OR6C65: variants seen among roughly 807,000 people sequenced by gnomAD.
OR6C65 encodes the protein olfactory receptor 6C65.
For missense variants in OR6C65, 379 were observed against 366.2 expected, an observed-to-expected ratio of 1.03 and a Z score of -0.29; for synonymous variants, 126 against 127.5, an observed-to-expected ratio of 0.99 and a Z score of 0.08.
In OR6C65 at chr12:55,401,453, T is replaced by C; in HGVS notation, c.925T>C (p.Leu309=). Residue 309 remains leucine (L), a synonymous_variant, in exon 1 of 1, where the codon TTG becomes CTG. Transcript: ENST00000379665. The part of the protein sequence containing the change: ...LREFTKKILS[L]NKQ The stretch of plus-strand genomic sequence containing the variant: ...GGAATTCACCAAAAAAATATTATCA[T>C]TGAACAAGCAATAATGATAACTAAA... 6.4e-7 allele frequency: 1 copy of C among 1,572,656 alleles called. No homozygotes were observed. The highest frequency in any genetic ancestry group is 1.2e-5 in the South Asian group (1 of 86,200).
At position 55,400,712 on chromosome 12, in the gene OR6C65, A is replaced by G. The variant is rs770532662; in HGVS notation, c.184A>G (p.Arg62Gly). 1 of 1,608,760 alleles carries G rather than the reference A, an allele frequency of 6.2e-7. No individual in the cohort carries two copies. The highest frequency in any genetic ancestry group is 8.5e-7 in the Non-Finnish European group (1 of 1,176,902). The change falls in exon 1 of 1, where the codon AGG (arginine) becomes GGG (glycine). Residue 62 changes from arginine to glycine, a missense_variant. Coordinates refer to ENST00000379665, the MANE Select transcript of OR6C65 (RefSeq NM_001005518.1). ...HLKTPMYFFL[R>G]NFSFLEISFT... ...GAAAACTCCTATGTATTTCTTCCTCAGGAATTTCTCTTTCTTAGAAATTTC... is the reference window on the plus strand; with the variant it reads ...GAAAACTCCTATGTATTTCTTCCTCGGGAATTTCTCTTTCTTAGAAATTTC...
chr12:55,400,683 AT>A lies in OR6C65; in HGVS notation c.158del (p.Leu53Ter). ...IIIMLTLSNI[H>X]LKTPMYFFLR... ...ATTATGTTAACATTGTCAAATATTC[AT>A]TTGAAAACTCCTATGTATTTCTTCC... On this transcript the variant is annotated frameshift_variant, in exon 1 of 1. Coordinates refer to ENST00000379665, the MANE Select transcript of OR6C65 (RefSeq NM_001005518.1). LOFTEE classifies it low-confidence loss of function (END_TRUNC). The A allele has an allele frequency of 6.2e-7, 1 of 1,608,122 alleles. No homozygotes were observed. Among genetic ancestry groups the A allele is most frequent in the Non-Finnish European group, 8.5e-7 (1 of 1,175,534 alleles).
In OR6C65 at chr12:55,400,652, A is replaced by G. The variant is rs1413185255; in HGVS notation, c.124A>G (p.Ile42Val). 2 of 1,602,964 alleles carry G rather than the reference A, an allele frequency of 1.2e-6. No homozygotes were observed. Among genetic ancestry groups the G allele is most frequent in the South Asian group, 1.1e-5 (1 of 90,390 alleles). ...TYLLSVSGNM[I>V]IIMLTLSNIH... Reference sequence around the variant, plus strand: ...CTTATTGAGTGTAAGTGGAAACATGATCATCATTATGTTAACATTGTCAAA... The same window carrying G: ...CTTATTGAGTGTAAGTGGAAACATGGTCATCATTATGTTAACATTGTCAAA... Residue 42 changes from isoleucine (I) to valine (V), a missense_variant, in exon 1 of 1, where the codon ATC becomes GTC. Ile to Val is a conservative substitution (Grantham distance 29). Transcript: ENST00000379665.
rs1352917290 is a variant in OR6C65 at position 55,401,253 on chromosome 12, A to G, written c.725A>G (p.His242Arg). The G allele has an allele frequency of 6.2e-7, 1 of 1,613,978 alleles. No homozygotes were observed. Residue 242 changes from histidine to arginine, a missense_variant, in exon 1 of 1, where the codon CAT (histidine) becomes CGT (arginine). By Grantham distance (29) the His-to-Arg change is conservative (BLOSUM62 0). Coordinates refer to ENST00000379665, the MANE Select transcript of OR6C65 (RefSeq NM_001005518.1). ...RKKAFSTCSS[H>R]MIVVSVSYGS... ...AAGGCTTTTTCAACTTGTTCCTCCCATATGATTGTGGTTTCTGTTTCTTAT... is the reference window on the plus strand; with the variant it reads ...AAGGCTTTTTCAACTTGTTCCTCCCGTATGATTGTGGTTTCTGTTTCTTAT...
Position 55,401,252 on chromosome 12 carries a change from C to A in OR6C65, c.724C>A (p.His242Asn). 6.2e-7 allele frequency: 1 copy of A among 1,613,992 alleles called. No individual in the cohort carries two copies. The highest frequency in any genetic ancestry group is 8.5e-7 in the Non-Finnish European group (1 of 1,179,930). ...AAAGGCTTTTTCAACTTGTTCCTCC[C>A]ATATGATTGTGGTTTCTGTTTCTTA... ...RKKAFSTCSS[H>N]MIVVSVSYGS... Residue 242 changes from histidine (H) to asparagine (N), a missense_variant, in exon 1 of 1, where the codon CAT becomes AAT. His to Asn is a moderately conservative substitution (Grantham distance 68). Transcript: ENST00000379665.
chr12:55,401,416 A>C lies in OR6C65; in HGVS notation c.888A>C (p.Lys296Asn). 1 of 1,608,470 alleles carries C rather than the reference A, an allele frequency of 6.2e-7. No homozygotes were observed. The highest frequency in any genetic ancestry group is 8.5e-7 in the Non-Finnish European group (1 of 1,178,868). The stretch of plus-strand genomic sequence containing the variant: ...ATACCTTAAGAAACCAGCAGGTGAA[A>C]CAGGCCCTTAGGGAATTCACCAAAA... Reference protein sequence around the residue: ...FIYTLRNQQVKQALREFTKKI... With the variant: ...FIYTLRNQQVNQALREFTKKI... The change falls in exon 1 of 1, where the codon AAA (lysine) becomes AAC (asparagine). Residue 296 changes from lysine to asparagine, a missense_variant. By Grantham distance (94) the Lys-to-Asn change is moderately conservative. Transcript: ENST00000379665.
chr12:55,400,542 C>A lies in OR6C65; in HGVS notation c.14C>A (p.Thr5Lys). The change falls in exon 1 of 1, where the codon ACA becomes AAA. Residue 5 changes from threonine (T) to lysine (K), a missense_variant. Physicochemically the swap from Thr to Lys is moderately conservative, Grantham distance 78. Coordinates refer to ENST00000379665, the MANE Select transcript of OR6C65 (RefSeq NM_001005518.1). MPNMTSIREFILLGF... is the reference protein window; with the variant it reads MPNMKSIREFILLGF... ...CAGAACTAAGCCATGCCAAATATGA[C>A]ATCAATTAGAGAATTCATTCTTCTG... is the stretch of plus-strand genomic sequence containing the variant. 6.6e-7 allele frequency: 1 copy of A among 1,526,032 alleles called. No homozygotes were observed. Among genetic ancestry groups the A allele is most frequent in the South Asian group, 1.3e-5 (1 of 75,712 alleles). 94.5% of individuals were successfully genotyped at this position (1,526,032 alleles called of 1,614,324 possible). A position where few individuals can be genotyped will look rare whatever the true frequency, so the allele number is the denominator to read the frequency against.
chr12:55,400,911 T>TA lies in OR6C65; in HGVS notation c.384dup (p.His129ThrfsTer8), dbSNP rs758670592. ...CGCTATGTGGCTATCTGCAAACCTC[T>TA]ACATTATACAACCATCATGAGTAAC... On this transcript the variant is annotated frameshift_variant, in exon 1 of 1. Coordinates refer to ENST00000379665, the MANE Select transcript of OR6C65 (RefSeq NM_001005518.1). LOFTEE classifies it low-confidence loss of function (END_TRUNC). 1.2e-6 allele frequency: 2 copies of TA among 1,614,146 alleles called. No homozygotes were observed. The highest frequency in any genetic ancestry group is 1.7e-5 in the Admixed American group (1 of 60,024).
chr12:55,400,824 T>C lies in OR6C65; in HGVS notation c.296T>C (p.Val99Ala), dbSNP rs1346188932. The part of the protein sequence containing the change: ...TISYNASMAQ[V>A]FFLILLGSTE... The stretch of plus-strand genomic sequence containing the variant: ...TCCTATAATGCTTCCATGGCCCAAG[T>C]ATTTTTTTTAATTCTTTTGGGATCA... The change falls in exon 1 of 1, where the codon GTA becomes GCA. Residue 99 changes from valine (V) to alanine (A), a missense_variant. Val to Ala is a moderately conservative substitution (Grantham distance 64, BLOSUM62 0). Coordinates refer to ENST00000379665, the MANE Select transcript of OR6C65 (RefSeq NM_001005518.1). 1.9e-6 allele frequency: 3 copies of C among 1,611,726 alleles called. No individual in the cohort carries two copies. The highest frequency in any genetic ancestry group is 3.4e-5 in the Admixed American group (2 of 59,582).
chr12:55,401,321 G>C lies in OR6C65; in HGVS notation c.793G>C (p.Gly265Arg). 2 of 1,614,074 alleles carry C rather than the reference G, an allele frequency of 1.2e-6. No homozygotes were observed. The highest frequency in any genetic ancestry group is 1.7e-6 in the Non-Finnish European group (2 of 1,179,994). The change falls in exon 1 of 1, where the codon GGT (glycine) becomes CGT (arginine). Residue 265 changes from glycine to arginine, a missense_variant. Coordinates refer to ENST00000379665, the MANE Select transcript of OR6C65 (RefSeq NM_001005518.1). ...FMCVKTSAKE[G>R]MALSKGVAVL... ...GTGTGTAAAAACATCTGCAAAAGAA[G>C]GTATGGCTTTGAGCAAAGGTGTAGC...
chr12:55,401,099 C>G lies in OR6C65; in HGVS notation c.571C>G (p.Gln191Glu). 6.2e-7 allele frequency: 1 copy of G among 1,614,154 alleles called. No homozygotes were observed. Among genetic ancestry groups the G allele is most frequent in the Non-Finnish European group, 8.5e-7 (1 of 1,180,016 alleles). The part of the protein sequence containing the change: ...PMLLIACTDT[Q>E]FLELMAFLLA... ...GCTGCTGATTGCTTGCACAGACACA[C>G]AGTTTCTAGAGCTTATGGCATTTTT... is the stretch of plus-strand genomic sequence containing the variant. The change falls in exon 1 of 1, where the codon CAG (glutamine) becomes GAG (glutamate). Residue 191 changes from glutamine (Q) to glutamate (E), a missense_variant. Physicochemically the swap from Gln to Glu is conservative, Grantham distance 29. Transcript: ENST00000379665.
rs767454895 is a variant in OR6C65, at chr12:55,401,455, G to T, written c.927G>T (p.Leu309Phe). The change falls in exon 1 of 1, where the codon TTG (leucine) becomes TTT (phenylalanine). Residue 309 changes from leucine to phenylalanine, a missense_variant. Leu to Phe is a conservative substitution (Grantham distance 22). Coordinates refer to ENST00000379665, the MANE Select transcript of OR6C65 (RefSeq NM_001005518.1). The stretch of plus-strand genomic sequence containing the variant: ...AATTCACCAAAAAAATATTATCATT[G>T]AACAAGCAATAATGATAACTAAATC... ...LREFTKKILS[L>F]NKQ 2 of 1,566,378 alleles carry T rather than the reference G, an allele frequency of 1.3e-6. No homozygotes were observed. Among genetic ancestry groups the T allele is most frequent in the African/African-American group, 1.4e-5 (1 of 73,232 alleles).
In OR6C65 at chr12:55,400,853, G is replaced by A; in HGVS notation, c.325G>A (p.Glu109Lys). The change falls in exon 1 of 1, where the codon GAA becomes AAA. Residue 109 changes from glutamate to lysine, a missense_variant. Transcript: ENST00000379665. Reference protein sequence around the residue: ...VFFLILLGSTEFFLLAVMSYD... With the variant: ...VFFLILLGSTKFFLLAVMSYD... Reference sequence around the variant, plus strand: ...TTTTTTAATTCTTTTGGGATCAACAGAATTTTTTCTTCTGGCTGTCATGTC... The same window carrying A: ...TTTTTTAATTCTTTTGGGATCAACAAAATTTTTTCTTCTGGCTGTCATGTC... The A allele has an allele frequency of 6.2e-7, 1 of 1,611,914 alleles. No individual in the cohort carries two copies. The highest frequency in any genetic ancestry group is 8.5e-7 in the Non-Finnish European group (1 of 1,179,448).
Position 55,400,574 on chromosome 12 carries a change from A to C in OR6C65, c.46A>C (p.Thr16Pro). 6.4e-7 allele frequency: 1 copy of C among 1,560,190 alleles called. No homozygotes were observed. Among genetic ancestry groups the C allele is most frequent in the Non-Finnish European group, 8.7e-7 (1 of 1,153,542 alleles). ...TAGAGAATTCATTCTTCTGGGATTT[A>C]CAGATAACCCAGAGTTACAAGTTGT... Reference protein sequence around the residue: ...SIREFILLGFTDNPELQVVIF... With the variant: ...SIREFILLGFPDNPELQVVIF... Residue 16 changes from threonine (T) to proline (P), a missense_variant, in exon 1 of 1, where the codon ACA (threonine) becomes CCA (proline). Thr to Pro is a conservative substitution (Grantham distance 38). Coordinates refer to ENST00000379665, the MANE Select transcript of OR6C65 (RefSeq NM_001005518.1).
chr12:55,401,287 C>T lies in OR6C65; in HGVS notation c.759C>T (p.Cys253=). 2 of 1,614,032 alleles carry T rather than the reference C, an allele frequency of 1.2e-6. No homozygotes were observed. Among genetic ancestry groups the T allele is most frequent in the Non-Finnish European group, 8.5e-7 (1 of 1,179,966 alleles). ...TGGTTTCTGTTTCTTATGGGAGTTG[C>T]ATTTTTATGTGTGTAAAAACATCTG... is the stretch of plus-strand genomic sequence containing the variant. ...MIVVSVSYGS[C]IFMCVKTSAK... is the part of the protein sequence containing the mutation. Residue 253 remains cysteine, a synonymous_variant, in exon 1 of 1, where the codon TGC becomes TGT. Coordinates refer to ENST00000379665, the MANE Select transcript of OR6C65 (RefSeq NM_001005518.1).
At position 55,401,085 on chromosome 12, in the gene OR6C65, CT is replaced by C; in HGVS notation, c.559del (p.Cys187AlafsTer7). ...ICDSSPMLLIACTDTQFLELM... is the reference protein window; with the variant it reads ...ICDSSPMLLIXCTDTQFLELM... ...GATTCTTCCCCTATGCTGCTGATTGCTTGCACAGACACACAGTTTCTAGAGC... is the reference window on the plus strand; with the variant it reads ...GATTCTTCCCCTATGCTGCTGATTGCTGCACAGACACACAGTTTCTAGAGC... On this transcript the variant is annotated frameshift_variant, in exon 1 of 1. Coordinates refer to ENST00000379665, the MANE Select transcript of OR6C65 (RefSeq NM_001005518.1). LOFTEE classifies it low-confidence loss of function (END_TRUNC). The C allele has an allele frequency of 6.2e-7, 1 of 1,614,136 alleles. No homozygotes were observed. The highest frequency in any genetic ancestry group is 8.5e-7 in the Non-Finnish European group (1 of 1,180,006).
Position 55,401,407 on chromosome 12 carries a change from G to T in OR6C65, c.879G>T (p.Gln293His), listed in dbSNP as rs1333498599. 1.2e-6 allele frequency: 2 copies of T among 1,610,958 alleles called. No homozygotes were observed. Among genetic ancestry groups the T allele is most frequent in the Non-Finnish European group, 1.7e-6 (2 of 1,179,422 alleles). Reference protein sequence around the residue: ...LNPFIYTLRNQQVKQALREFT... With the variant: ...LNPFIYTLRNHQVKQALREFT... Reference sequence around the variant, plus strand: ...CCTTTATTTATACCTTAAGAAACCAGCAGGTGAAACAGGCCCTTAGGGAAT... The same window carrying T: ...CCTTTATTTATACCTTAAGAAACCATCAGGTGAAACAGGCCCTTAGGGAAT... The change falls in exon 1 of 1, where the codon CAG becomes CAT. Residue 293 changes from glutamine (Q) to histidine (H), a missense_variant. Gln to His is a conservative substitution (Grantham distance 24, BLOSUM62 0). Transcript: ENST00000379665.
At position 55,400,656 on chromosome 12, in the gene OR6C65, T is replaced by C. The variant is rs748551048; in HGVS notation, c.128T>C (p.Ile43Thr). 6.2e-7 allele frequency: 1 copy of C among 1,603,146 alleles called. No individual in the cohort carries two copies. The highest frequency in any genetic ancestry group is 1.1e-5 in the South Asian group (1 of 90,406). The change falls in exon 1 of 1, where the codon ATC (isoleucine) becomes ACC (threonine). Residue 43 changes from isoleucine to threonine, a missense_variant. By Grantham distance (89) the Ile-to-Thr change is moderately conservative. Transcript: ENST00000379665. Reference protein sequence around the residue: ...YLLSVSGNMIIIMLTLSNIHL... With the variant: ...YLLSVSGNMITIMLTLSNIHL... ...TTGAGTGTAAGTGGAAACATGATCA[T>C]CATTATGTTAACATTGTCAAATATT...
rs7971073 is a variant in OR6C65, at chr12:55,401,192, A to G, written c.664A>G (p.Thr222Ala). Residue 222 changes from threonine (T) to alanine (A), a missense_variant, in exon 1 of 1, where the codon ACA becomes GCA. Physicochemically the swap from Thr to Ala is moderately conservative, Grantham distance 58 (BLOSUM62 0). Coordinates refer to ENST00000379665, the MANE Select transcript of OR6C65 (RefSeq NM_001005518.1). ...TCTCTCCTACACACTCATCCTTAAAACAATTCTGAAGATTCCCTCTGCCCA... is the reference window on the plus strand; with the variant it reads ...TCTCTCCTACACACTCATCCTTAAAGCAATTCTGAAGATTCCCTCTGCCCA... Reference protein sequence around the residue: ...VVLSYTLILKTILKIPSAQQR... With the variant: ...VVLSYTLILKAILKIPSAQQR... 1,338,041 of 1,613,714 alleles carry G rather than the reference A, an allele frequency of 0.83. 558,975 individuals carry two copies. The highest frequency in any genetic ancestry group is 0.92 in the East Asian group (41,271 of 44,854).
Sources: gnomAD v4.1 joint callset for allele counts on GRCh38, gnomAD v4.1.1 for gene constraint, MANE v1.5 for transcripts, NCBI Gene and HGNC (gene_info 2026-07-23, HGNC 2026-07-21) for gene names.